Variants in PPP2R2B observed in about 807,000 individuals in gnomAD.
PPP2R2B encodes protein phosphatase 2 regulatory subunit Bbeta, also known as serine/threonine-protein phosphatase 2A 55 kDa regulatory subunit B beta isoform.
Under a neutral mutation model 46.0 loss-of-function variants are expected in PPP2R2B, and 5 were observed. The ratio of observed to expected loss-of-function variants is 0.11; its 90% CI spans 0.06 to 0.23. PPP2R2B has a LOEUF of 0.23. PPP2R2B is among the 10% of genes least tolerant of loss of function. The pLI is 1.00. For synonymous variants in PPP2R2B, 215 were observed against 206.7 expected (o/e 1.04, Z -0.34); for missense variants, 367 against 575.0 (o/e 0.64, Z 3.70).
chr5:146,808,492 C>T (rs1165941579), intron 2 of PPP2R2B, among the ~76,000 whole-genome samples: 3 of 152,168 alleles, frequency 2.0e-5, no homozygotes, highest in Non-Finnish European at 4.4e-5. Flanking sequence ...AAAGATACCT[C>T]AGAGCCCCAT....
At chr5:147,006,522 A>C in intron 1 of PPP2R2B, among the ~76,000 whole-genome samples, 1 of 152,188 alleles carries the variant, frequency 6.6e-6, no homozygotes, top group Admixed American at 6.5e-5. Context: ...CATACAACGA[A>C]TACACCTACT....
chr5:147,075,832 C>T (rs62377632), intron 2 of PPP2R2B, among the ~76,000 whole-genome samples: 7,533 of 152,254 alleles, frequency 0.049, 256 homozygotes, highest in East Asian at 0.16. Context: ...TGTCTCTCAT[C>T]AGACTTCCTA....
chr5:146,624,839 G>T lies in PPP2R2B; in HGVS notation c.790+13412C>A, dbSNP rs114680615. 4.6e-3 allele frequency among the ~76,000 whole-genome samples: 696 copies of T among 152,234 alleles called. 7 individuals are homozygous for T. Among genetic ancestry groups the T allele is most frequent in the Admixed American group, 9.2e-3 (140 of 15,292 alleles). On this transcript the variant is annotated intron_variant, in intron 7 of 9. Transcript: ENST00000394411. ...TCCTCTCATGCTATTCCTCCTTATG[G>T]TACTGTACACAGCCCAGCTGGTCAT...
At position 147,023,628 on chromosome 5, in the gene PPP2R2B, G is replaced by A. The variant is rs74410309; in HGVS notation, c.79+32037C>T. ...TAAGCTATATTGCCAGGGCCAAAAT[G>A]GGACAATTCATACTAACTGATAGGT... is the stretch of plus-strand genomic sequence containing the variant. On this transcript the variant is annotated intron_variant, in intron 1 of 8. Transcript: ENST00000336640. 6.6e-3 allele frequency among the ~76,000 whole-genome samples: 998 copies of A among 152,252 alleles called. 11 individuals are homozygous for A. Among genetic ancestry groups the A allele is most frequent in the African/African-American group, 0.023 (954 of 41,532 alleles).
intron 2 of PPP2R2B, among the ~76,000 whole-genome samples, chr5:146,783,216 C>T (rs1435185757): frequency 6.6e-6 from 1 of 152,120 alleles, no homozygotes; most frequent in African/African-American, 2.4e-5. Flanking sequence ...AATACAGAAG[C>T]ATGCATGGTC....
chr5:146,933,141 C>A (rs1764021185), intron 1 of PPP2R2B, among the ~76,000 whole-genome samples: 1 of 152,100 alleles, frequency 6.6e-6, no homozygotes, highest in Non-Finnish European at 1.5e-5. Context: ...TTTTAATATC[C>A]TTTGCTTCAG....
intron 9 of PPP2R2B, among the ~76,000 whole-genome samples, chr5:146,590,921 T>G (rs1010923903): frequency 6.7e-6 from 1 of 149,782 alleles, no homozygotes; most frequent in Admixed American, 6.6e-5. Flanking sequence ...ATGGTTTTTT[T>G]CCCACACTTA....
At chr5:146,663,759 A>G (rs1291966695) in intron 5 of PPP2R2B, among the ~76,000 whole-genome samples, 6 of 152,148 alleles carry the variant, frequency 3.9e-5, no homozygotes, top group Non-Finnish European at 8.8e-5. Context: ...TCTTGACTCA[A>G]TGTTGATGGA....
intron 2 of PPP2R2B, among the ~76,000 whole-genome samples, chr5:146,807,338 C>T (rs1757238517): frequency 6.6e-6 from 1 of 152,150 alleles, no homozygotes; most frequent in Admixed American, 6.5e-5. Flanking sequence ...TATAGGTGTA[C>T]TTCAGCACAG....
At chr5:146,640,785 C>G (rs1775157128) in intron 6 of PPP2R2B, among the ~76,000 whole-genome samples, 1 of 152,174 alleles carries the variant, frequency 6.6e-6, no homozygotes, top group African/African-American at 2.4e-5. Flanking sequence ...AACAAAGTGC[C>G]TAAACATGTC....
chr5:146,749,888 G>C (rs2151234794), intron 2 of PPP2R2B, among the ~76,000 whole-genome samples: 1 of 152,138 alleles, frequency 6.6e-6, no homozygotes, highest in South Asian at 2.1e-4. Context: ...GTGAGCCACT[G>C]CGCCTGGCCA....
At chr5:146,645,287 A>G (rs912360337) in intron 6 of PPP2R2B, among the ~76,000 whole-genome samples, 11 of 152,212 alleles carry the variant, frequency 7.2e-5, no homozygotes, top group Non-Finnish European at 1.5e-4. Context: ...TATTAGCTGA[A>G]AGGACATGTT....
At chr5:146,617,035 C>G (rs1202593681) in intron 7 of PPP2R2B, 2 of 152,198 alleles carry the variant, frequency 1.3e-5, no homozygotes, top group African/African-American at 4.8e-5. Flanking sequence ...AAGTACTATT[C>G]AGCCATGAAA....
At chr5:146,893,325 T>G (rs1046386171) in intron 1 of PPP2R2B, among the ~76,000 whole-genome samples, 11 of 152,222 alleles carry the variant, frequency 7.2e-5, no homozygotes, top group African/African-American at 2.7e-4. Context: ...CCATCTAAGA[T>G]GATTAAAATA....
At chr5:147,080,957 G>A in intron 2 of PPP2R2B, 4 of 1,113,096 alleles carry the variant, frequency 3.6e-6, no homozygotes, top group Middle Eastern at 2.9e-4. Flanking sequence ...TTTGGGGTGT[G>A]TGGGGACTTA....
At chr5:146,628,875 T>C (rs1774237033) in intron 7 of PPP2R2B, among the ~76,000 whole-genome samples, 1 of 152,214 alleles carries the variant, frequency 6.6e-6, no homozygotes, top group African/African-American at 2.4e-5. Flanking sequence ...TTGATCCTAA[T>C]GTATTTCTAA....
At chr5:146,713,643 A>C (rs1456080888) in intron 2 of PPP2R2B, among the ~76,000 whole-genome samples, 1 of 152,056 alleles carries the variant, frequency 6.6e-6, no homozygotes, top group African/African-American at 2.4e-5. Context: ...TAGGCTGTGG[A>C]GGTGAAGAGA....
At chr5:146,831,498 C>CAAAAAAA (rs34975709) in intron 2 of PPP2R2B, among the ~76,000 whole-genome samples, 6 of 54,944 alleles carry the variant, frequency 1.1e-4, no homozygotes, top group African/African-American at 2.4e-4. Context: ...CTCCATCTCT[C>CAAAAAAA]AAAAAAAAAA....
intron 1 of PPP2R2B, among the ~76,000 whole-genome samples, chr5:146,911,074 C>A (rs1763160890): frequency 7.1e-6 from 1 of 141,408 alleles, no homozygotes; most frequent in Non-Finnish European, 1.5e-5. Context: ...ATCAGATTGT[C>A]TGTTAGACAC....
Sources: allele counts gnomAD v4.1 joint callset (sites outside exome capture counted in the v4.1 genomes callset), GRCh38; gene constraint gnomAD v4.1.1; transcripts MANE v1.5; gene names NCBI Gene and HGNC (gene_info 2026-07-23, HGNC 2026-07-21).